FAM135B: variants seen among roughly 807,000 people sequenced by gnomAD.
The protein encoded by FAM135B is protein FAM135B.
FAM135B carries 43 observed loss-of-function variants against 127.7 expected under a neutral mutation model. The ratio of observed to expected loss-of-function variants is 0.34; its 90% CI spans 0.26 to 0.43. The LOEUF is 0.43. Among genes scored for constraint, FAM135B ranks in the 20% least tolerant of loss-of-function variants. FAM135B has a pLI of 1.00. For synonymous variants in FAM135B, 670 were observed against 665.1 expected (o/e 1.01, Z -0.11); for missense variants, 1,558 against 1,725.6 (o/e 0.90, Z 1.72).
At chr8:138,263,400 A>G (rs1316125892) in intron 4 of FAM135B, among the ~76,000 whole-genome samples, 1 of 152,118 alleles carries the variant, frequency 6.6e-6, no homozygotes, top group African/African-American at 2.4e-5. Context: ...CATAGGCTGA[A>G]CTCAATGGAA....
In FAM135B at chr8:138,266,019, C is replaced by T. The variant is rs369392020; in HGVS notation, c.158-177G>A. Among the ~76,000 whole-genome samples, 99 of 152,262 alleles carry T rather than the reference C, an allele frequency of 6.5e-4. 2 individuals carry two copies. The East Asian group carries it at 0.011, about 17-fold the overall frequency. On this transcript the variant is annotated intron_variant, in intron 3 of 19. Transcript: ENST00000395297. ...ATATGAATGTTTCTGTTTATTGAGT[C>T]AGGCTGGTATCTCAGAAAAACCTTG... is the stretch of plus-strand genomic sequence containing the variant.
At chr8:138,275,020 G>T (rs1823709621) in intron 3 of FAM135B, among the ~76,000 whole-genome samples, 1 of 152,070 alleles carries the variant, frequency 6.6e-6, no homozygotes, top group South Asian at 2.1e-4. Flanking sequence ...TTAAAGTAAA[G>T]ACAGGCATAG....
intron 11 of FAM135B, among the ~76,000 whole-genome samples, chr8:138,171,478 T>C (rs940516165): frequency 6.6e-6 from 1 of 152,242 alleles, no homozygotes; most frequent in Admixed American, 6.5e-5. Flanking sequence ...ATGCTTATTG[T>C]TTAGCACCTG....
intron 1 of FAM135B, among the ~76,000 whole-genome samples, chr8:138,491,713 A>G (rs867363040): frequency 6.6e-5 from 10 of 152,224 alleles, no homozygotes; most frequent in African/African-American, 2.4e-4. Context: ...TAATATATTG[A>G]TAAGTACTAT....
intron 1 of FAM135B, among the ~76,000 whole-genome samples, chr8:138,459,771 C>T (rs1041132710): frequency 6.6e-6 from 1 of 152,140 alleles, no homozygotes; most frequent in African/African-American, 2.4e-5. Flanking sequence ...CCTGTTTCCT[C>T]TTCCAAGCTA....
chr8:138,202,752 A>G (rs191961799), intron 7 of FAM135B, among the ~76,000 whole-genome samples: 4 of 150,348 alleles, frequency 2.7e-5, no homozygotes, highest in Non-Finnish European at 4.4e-5. Context: ...GCACACTAAG[A>G]GGAACTTTTG....
intron 2 of FAM135B, among the ~76,000 whole-genome samples, chr8:138,359,081 AAAAAATAATCCAGAATGTTC>A (rs1587222760): frequency 6.6e-6 from 1 of 152,186 alleles, no homozygotes; most frequent in African/African-American, 2.4e-5. Context: ...GGATTTGTCC[AAAAAATAATCCAGAATGTTC>A]ATCTACATAA....
At chr8:138,234,745 G>A (rs1468531914) in intron 7 of FAM135B, among the ~76,000 whole-genome samples, 1 of 152,222 alleles carries the variant, frequency 6.6e-6, no homozygotes, top group Non-Finnish European at 1.5e-5. Flanking sequence ...CAGACATGCT[G>A]CTGCAATGAG....
chr8:138,423,179 C>A lies in FAM135B; in HGVS notation c.-19-55177G>T, dbSNP rs552794459. Among the ~76,000 whole-genome samples, 10 of 152,240 alleles carry A rather than the reference C, an allele frequency of 6.6e-5. No homozygotes were observed. In the East Asian group the frequency reaches 1.5e-3, roughly 24 times the overall value. ...ACCTTTTGAGTACTATGCTCAGTATCTGAGTGATGAAATAATTTGTAAGCC... is the reference window on the plus strand; with the variant it reads ...ACCTTTTGAGTACTATGCTCAGTATATGAGTGATGAAATAATTTGTAAGCC... On this transcript the variant is annotated intron_variant, in intron 1 of 19. Coordinates refer to ENST00000395297, the MANE Select transcript of FAM135B (RefSeq NM_015912.4).
intron 1 of FAM135B, among the ~76,000 whole-genome samples, chr8:138,384,984 C>T (rs1301560765): frequency 1.3e-5 from 2 of 152,136 alleles, no homozygotes; most frequent in Non-Finnish European, 2.9e-5. Context: ...GCCCTCACAT[C>T]GGCCAACGCA....
chr8:138,242,829 A>G lies in FAM135B; in HGVS notation c.669+113T>C, dbSNP rs1820933351. 2.8e-6 allele frequency: 4 copies of G among 1,424,058 alleles called. No homozygotes were observed. In the Admixed American group the frequency reaches 9.8e-5, roughly 35 times the overall value. 88.2% of individuals were successfully genotyped at this position (1,424,058 alleles called of 1,614,324 possible). Reference sequence around the variant, plus strand: ...GGAAGATGGTGAAAGGAAGGGTCAAATTAGCAAAAATCTCTGAAGGGGATG... The same window carrying G: ...GGAAGATGGTGAAAGGAAGGGTCAAGTTAGCAAAAATCTCTGAAGGGGATG... On this transcript the variant is annotated intron_variant, in intron 7 of 19. Coordinates refer to ENST00000395297, the MANE Select transcript of FAM135B (RefSeq NM_015912.4). The surrounding 1 kb of genome is among the most constrained non-coding windows in gnomAD (Gnocchi z 9.6).
chr8:138,410,902 GAATAA>G (rs1360936753), intron 1 of FAM135B, among the ~76,000 whole-genome samples: 1 of 151,868 alleles, frequency 6.6e-6, no homozygotes, highest in Non-Finnish European at 1.5e-5. Flanking sequence ...GCTTCAAAGA[GAATAA>G]AATACCTAGG....
chr8:138,482,520 C>T (rs1236606520), intron 1 of FAM135B, among the ~76,000 whole-genome samples: 1 of 152,056 alleles, frequency 6.6e-6, no homozygotes, highest in Non-Finnish European at 1.5e-5. Flanking sequence ...AGGGGCTCCA[C>T]CTCTTCATTT....
rs1166235927 is a variant in FAM135B, at chr8:138,142,285, C to CTTTTTTTTTTT, written c.3638+726_3638+727insAAAAAAAAAAA. Among the ~76,000 whole-genome samples the CTTTTTTTTTTT allele has an allele frequency of 2.0e-5, 2 of 99,934 alleles. 1 individual carries two copies. The highest frequency in any genetic ancestry group is 4.0e-5 in the Non-Finnish European group (2 of 50,298). The allele number at this position is 99,934 out of a possible 152,430, so 65.6% of individuals were successfully genotyped here. ...TTGGGGTGGGCAACTCATTCTGCTTCTTCTTTTTTTTTTTTTTTTTTTTTT... is the reference window on the plus strand; with the variant it reads ...TTGGGGTGGGCAACTCATTCTGCTTCTTTTTTTTTTTTTCTTTTTTTTTTTTTTTTTTTTTT... On this transcript the variant is annotated intron_variant, in intron 16 of 19. Coordinates refer to ENST00000395297, the MANE Select transcript of FAM135B (RefSeq NM_015912.4).
At chr8:138,379,680 C>T (rs1206332114) in intron 1 of FAM135B, among the ~76,000 whole-genome samples, 1 of 152,112 alleles carries the variant, frequency 6.6e-6, no homozygotes, top group Non-Finnish European at 1.5e-5. Flanking sequence ...TGTAGGTTCC[C>T]ATCTTCTCTG....
intron 12 of FAM135B, among the ~76,000 whole-genome samples, chr8:138,161,144 C>T (rs1261051883): frequency 6.6e-6 from 1 of 152,166 alleles, no homozygotes; most frequent in East Asian, 1.9e-4. Flanking sequence ...CAGATTTCTA[C>T]TTTCTCAGAA....
Position 138,149,262 on chromosome 8 carries a change from G to C in FAM135B, c.3282-576C>G, listed in dbSNP as rs1454885272. On this transcript the variant is annotated intron_variant, in intron 13 of 19. Coordinates refer to ENST00000395297, the MANE Select transcript of FAM135B (RefSeq NM_015912.4). Reference sequence around the variant, plus strand: ...TGATTCCTGCATTGAACAGGAGACAGAGTGACAGGACATCAAAGATTCTAC... The same window carrying C: ...TGATTCCTGCATTGAACAGGAGACACAGTGACAGGACATCAAAGATTCTAC... 3.3e-5 allele frequency among the ~76,000 whole-genome samples: 5 copies of C among 152,118 alleles called. No homozygotes were observed. The East Asian group carries it at 5.8e-4, about 18-fold the overall frequency.
intron 7 of FAM135B, among the ~76,000 whole-genome samples, chr8:138,240,268 C>A (rs550555076): frequency 1.3e-5 from 2 of 152,270 alleles, no homozygotes; most frequent in African/African-American, 4.8e-5. Flanking sequence ...TAACAGTCTC[C>A]GAGATAGAAA....
chr8:138,358,552 T>G (rs985188453), intron 2 of FAM135B: 1 of 152,170 alleles, frequency 6.6e-6, no homozygotes, highest in African/African-American at 2.4e-5. Context: ...CATGGACATT[T>G]AATAGATTCT....
Sources: gnomAD v4.1 joint callset for allele counts (sites outside exome capture counted in the v4.1 genomes callset) on GRCh38, gnomAD v4.1.1 for gene constraint, Gnocchi (gnomAD v3.1) non-coding constraint, MANE v1.5 for transcripts, NCBI Gene and HGNC (gene_info 2026-07-23, HGNC 2026-07-21) for gene names.